Variants in FAM228B observed in about 807,000 individuals in gnomAD.
FAM228B encodes family with sequence similarity 228 member B.
A neutral mutation model predicts 42.6 loss-of-function variants in FAM228B; 38 were observed. The ratio of observed to expected loss-of-function variants is 0.89; its 90% confidence interval spans 0.69 to 1.17. FAM228B has a LOEUF of 1.17. Ranked by LOEUF, FAM228B falls within the 50% of genes most tolerant of loss-of-function variation. The pLI is 0.00. For missense variants in FAM228B, 344 were observed against 367.3 expected (o/e 0.94, Z 0.52); for synonymous variants, 109 against 122.3 (o/e 0.89, Z 0.72).
intron 2 of FAM228B, among the ~76,000 whole-genome samples, chr2:24,128,765 A>G (rs539468907): frequency 3.3e-4 from 50 of 152,046 alleles, no homozygotes; most frequent in Non-Finnish European, 6.0e-4. Context: ...CCTTGGATTC[A>G]GTTAAGTTAC....
chr2:24,125,115 G>T (rs753639007), intron 2 of FAM228B, among the ~76,000 whole-genome samples: 1 of 152,168 alleles, frequency 6.6e-6, no homozygotes, highest in Non-Finnish European at 1.5e-5. Context: ...TGTGCCTCAT[G>T]CCTGTAATCC....
intron 5 of FAM228B, among the ~76,000 whole-genome samples, chr2:24,142,963 G>A (rs911791972): frequency 6.6e-6 from 1 of 152,108 alleles, no homozygotes; most frequent in South Asian, 2.1e-4. Context: ...AAAATTACGC[G>A]TGGGAAAAAG....
In FAM228B at chr2:24,081,791, G is replaced by A. The variant is rs141620611; in HGVS notation, c.-210+836G>A. 8.4e-3 allele frequency among the ~76,000 whole-genome samples: 1,257 copies of A among 150,506 alleles called. 26 individuals carry two copies. Among genetic ancestry groups the A allele is most frequent in the African/African-American group, 0.029 (1,186 of 40,846 alleles). On this transcript the variant is annotated intron_variant, in intron 2 of 10. Transcript: ENST00000613899. The stretch of plus-strand genomic sequence containing the variant: ...GCAAGCTCTGCCCCACCCCCCCTGC[G>A]TTCATGCCATTCTCTTGCCTCAGCT...
chr2:24,108,357 C>A (rs1413110915), intron 3 of FAM228B, among the ~76,000 whole-genome samples: 1 of 152,058 alleles, frequency 6.6e-6, no homozygotes, highest in Admixed American at 6.5e-5. Flanking sequence ...CAAATTCTAC[C>A]TGATGTATAA....
intron 1 of FAM228B, chr2:24,079,666 G>C (rs1320246503): frequency 6.2e-7 from 1 of 1,606,550 alleles, no homozygotes; most frequent in Non-Finnish European, 8.5e-7. Context: ...GATTTGTGAT[G>C]CTAGTCAGCT....
chr2:24,160,304 T>C (rs948281605), intron 7 of FAM228B, among the ~76,000 whole-genome samples: 1 of 152,148 alleles, frequency 6.6e-6, no homozygotes, highest in Non-Finnish European at 1.5e-5. Flanking sequence ...TTCTTTTTAT[T>C]TAACCTACTG....
chr2:24,103,671 A>G (rs1023729584), intron 3 of FAM228B, among the ~76,000 whole-genome samples: 3 of 152,176 alleles, frequency 2.0e-5, no homozygotes, highest in Non-Finnish European at 4.4e-5. Context: ...GGGTGTGTTT[A>G]GGAAAGGCTG....
At chr2:24,126,346 C>T (rs1666307978) in intron 2 of FAM228B, among the ~76,000 whole-genome samples, 1 of 152,170 alleles carries the variant, frequency 6.6e-6, no homozygotes, top group Non-Finnish European at 1.5e-5. Flanking sequence ...TTTATTTATA[C>T]TGATTTATTG....
intron 2 of FAM228B, among the ~76,000 whole-genome samples, chr2:24,130,267 A>T (rs914116062): frequency 6.6e-6 from 1 of 152,224 alleles, no homozygotes; most frequent in African/African-American, 2.4e-5. Flanking sequence ...GCTGCAATAA[A>T]CATACATGTG....
chr2:24,156,919 G>A (rs1459558083), intron 7 of FAM228B, among the ~76,000 whole-genome samples: 2 of 151,990 alleles, frequency 1.3e-5, no homozygotes, highest in African/African-American at 4.8e-5. Context: ...CTCAGGTTCT[G>A]TAAGGTGTGG....
intron 8 of FAM228B, 101 bp from the exon 9 acceptor site, chr2:24,164,097 T>G: frequency 1.8e-6 from 2 of 1,082,172 alleles, no homozygotes; most frequent in South Asian, 2.0e-5. Context: ...ATACACAAAT[T>G]CACATAGAAC....
In FAM228B at chr2:24,169,178, G is replaced by A. The variant is rs891063538; in HGVS notation, c.*15-178G>A. ...CAGTGCTTCTGACTCCAGACAGCGC[G>A]AGGAAAGGCTGAGGCAGGAGGCCTA... On this transcript the variant is annotated intron_variant, in intron 10 of 10. Coordinates refer to ENST00000615575, the MANE Select transcript of FAM228B (RefSeq NM_001145710.2). This position sits in a 1 kb window ranked among gnomAD's most constrained non-coding sequence, Gnocchi z 4.2. 1.3e-5 allele frequency among the ~76,000 whole-genome samples: 2 copies of A among 152,116 alleles called. No homozygotes were observed. Among genetic ancestry groups the A allele is most frequent in the African/African-American group, 2.4e-5 (1 of 41,402 alleles).
At chr2:24,167,850 T>C in intron 10 of FAM228B, 167 bp downstream of exon 10, 1 of 751,572 alleles carries the variant, frequency 1.3e-6, no homozygotes, top group South Asian at 2.1e-5. Context: ...TATTTCAGTG[T>C]AAGGCATTCT....
intron 7 of FAM228B, among the ~76,000 whole-genome samples, chr2:24,151,373 C>T (rs1667017512): frequency 6.6e-6 from 1 of 151,818 alleles, no homozygotes; most frequent in South Asian, 2.1e-4. Flanking sequence ...TCACTGCAAC[C>T]TCTGCCTCTT....
chr2:24,154,788 A>G (rs1667097135), intron 7 of FAM228B, among the ~76,000 whole-genome samples: 1 of 152,190 alleles, frequency 6.6e-6, no homozygotes. Flanking sequence ...TTTGTAGATT[A>G]TCTGGCCTTT....
intron 1 of FAM228B, chr2:24,079,714 A>T: frequency 7.1e-7 from 1 of 1,410,828 alleles, no homozygotes; most frequent in Non-Finnish European, 9.9e-7. Context: ...TTTGGGGATT[A>T]TGGATATAAA....
In FAM228B at chr2:24,080,915, G is replaced by A; in HGVS notation, c.-250G>A. On this transcript the variant is annotated 5_prime_UTR_variant, in exon 2 of 11. Coordinates refer to the FAM228B transcript ENST00000613899. The surrounding 1 kb of genome is among the most constrained non-coding windows in gnomAD (Gnocchi z 4.7). ...TTTTCTGCCATTTGAAGCTTCTTCT[G>A]GGAGCCAGCTGTGACCAGAGGAATA... 1 of 1,614,186 alleles carries A rather than the reference G, an allele frequency of 6.2e-7. No individual in the cohort carries two copies. The highest frequency in any genetic ancestry group is 8.5e-7 in the Non-Finnish European group (1 of 1,180,044).
intron 3 of FAM228B, among the ~76,000 whole-genome samples, chr2:24,099,442 G>A (rs12713191): frequency 0.12 from 18,227 of 152,002 alleles, 1,236 homozygotes; most frequent in South Asian, 0.18. Context: ...TACAAAATCA[G>A]TGTGCAAAAA....
At chr2:24,087,614 TTTGTTG>T (rs894558055) in intron 2 of FAM228B, among the ~76,000 whole-genome samples, 2 of 151,860 alleles carry the variant, frequency 1.3e-5, no homozygotes, top group Non-Finnish European at 2.9e-5. Context: ...AGAATTCTTT[TTTGTTG>T]TTGTTGTTGA....
Sources: allele counts gnomAD v4.1 joint callset (sites outside exome capture counted in the v4.1 genomes callset), GRCh38; gene constraint gnomAD v4.1.1; non-coding constraint Gnocchi (gnomAD v3.1); transcripts MANE v1.5; gene names NCBI Gene and HGNC (gene_info 2026-07-23, HGNC 2026-07-21).